Variants in MKRN2OS observed in about 807,000 individuals in gnomAD.
MKRN2OS encodes the protein MKRN2 opposite strand protein.
MKRN2OS carries 17 observed loss-of-function variants against 18.2 expected under a neutral mutation model. The ratio of observed to expected loss-of-function variants is 0.93; its 90% confidence interval spans 0.64 to 1.40. The LOEUF is 1.40. Ranked by LOEUF, MKRN2OS falls within the 40% of genes most tolerant of loss-of-function variation. The pLI is 0.00. For synonymous variants in MKRN2OS, 121 were observed against 108.5 expected, an observed-to-expected ratio of 1.12 and a Z score of -0.72; for missense variants, 337 against 283.0, an observed-to-expected ratio of 1.19 and a Z score of -1.37.
intron 1 of MKRN2OS, chr3:12,557,292 C>A: frequency 7.5e-7 from 1 of 1,325,346 alleles, no homozygotes; most frequent in Non-Finnish European, 1.0e-6. Flanking sequence ...GAAAGTTACT[C>A]GGCTGTTCGC....
chr3:12,553,166 T>C (rs2057942117), downstream of MKRN2OS, among the ~76,000 whole-genome samples: 2 of 151,994 alleles, frequency 1.3e-5, no homozygotes, highest in Non-Finnish European at 2.9e-5. Context: ...ACTTCCAAAC[T>C]CATTTTATGA....
downstream of MKRN2OS, among the ~76,000 whole-genome samples, chr3:12,550,833 T>G (rs894016190): frequency 8.8e-5 from 3 of 33,994 alleles, no homozygotes; most frequent in Admixed American, 9.2e-4. Context: ...TTGGGTTATA[T>G]GTGTTGGGTA....
upstream of MKRN2OS, among the ~76,000 whole-genome samples, chr3:12,548,867 A>C (rs1559382810): frequency 6.6e-6 from 1 of 152,174 alleles, no homozygotes; most frequent in Non-Finnish European, 1.5e-5. Flanking sequence ...TCTTGTTATA[A>C]AATAAAACAT....
chr3:12,552,859 C>CA (rs2057939534), downstream of MKRN2OS, among the ~76,000 whole-genome samples: 3 of 151,652 alleles, frequency 2.0e-5, no homozygotes, highest in Admixed American at 2.0e-4. Context: ...CTCCTGTCTA[C>CA]AAAAAATACA....
chr3:12,554,466 TAAATATATATGAAATATATG>T (rs1363369596), intron 1 of MKRN2OS, among the ~76,000 whole-genome samples: 2 of 146,994 alleles, frequency 1.4e-5, no homozygotes, highest in African/African-American at 2.5e-5. Context: ...TATTTTTTCA[TAAATATATATGAAATATATG>T]AAATATATAT....
chr3:12,558,469 C>T (rs1239378713), intron 1 of MKRN2OS, among the ~76,000 whole-genome samples: 3 of 152,194 alleles, frequency 2.0e-5, no homozygotes, highest in Non-Finnish European at 2.9e-5. Flanking sequence ...TTCCTCCCCT[C>T]GCTCTATGGT....
chr3:12,540,596 G>A (rs1183084442), intron 3 of MKRN2OS, among the ~76,000 whole-genome samples, 163 bp from the exon 4 acceptor site: 3 of 152,076 alleles, frequency 2.0e-5, no homozygotes, highest in Non-Finnish European at 4.4e-5. Flanking sequence ...ACTTCAGGCC[G>A]GGTGCGGTGG....
Position 12,559,226 on chromosome 3 carries a change from A to G in MKRN2OS, n.264+1531T>C, listed in dbSNP as rs575599654. The stretch of plus-strand genomic sequence containing the variant: ...AGGTGTTTTAAGTGGGAAAAAACCA[A>G]TATGACCAAGAGTACCAAGTTTACA... On this transcript the variant is annotated intron_variant and non_coding_transcript_variant, in intron 1 of 1. Transcript: ENST00000447550. 1.6e-3 allele frequency among the ~76,000 whole-genome samples: 249 copies of G among 152,336 alleles called. 1 individual carries two copies. The highest frequency in any genetic ancestry group is 2.8e-3 in the Non-Finnish European group (190 of 68,032).
At position 12,555,997 on chromosome 3, in the gene MKRN2OS, G is replaced by T. The variant is rs184702836; in HGVS notation, n.265-1863C>A. On this transcript the variant is annotated intron_variant and non_coding_transcript_variant, in intron 1 of 1. Transcript: ENST00000447550. The stretch of plus-strand genomic sequence containing the variant: ...ACAAAAAATTCTTTATTTTGATCTG[G>T]GTGGTAGTTTCATGAGTGTATGCAT... Among the ~76,000 whole-genome samples the T allele has an allele frequency of 2.7e-3, 406 of 151,388 alleles. 1 individual carries two copies. The highest frequency in any genetic ancestry group is 5.0e-3 in the Non-Finnish European group (339 of 67,860).
At chr3:12,543,452 T>G (rs2057843343) in intron 1 of MKRN2OS, among the ~76,000 whole-genome samples, 1 of 151,614 alleles carries the variant, frequency 6.6e-6, no homozygotes, top group South Asian at 2.1e-4. Context: ...CCAGGTGTGT[T>G]AGTGTGCATC....
At chr3:12,540,741 G>A (rs755430342) in intron 3 of MKRN2OS, among the ~76,000 whole-genome samples, 6 of 152,036 alleles carry the variant, frequency 3.9e-5, no homozygotes, top group South Asian at 4.1e-4. Flanking sequence ...GCATGGTGGT[G>A]CACGCCTGTT....
At position 12,545,309 on chromosome 3, in the gene MKRN2OS, A is replaced by G; in HGVS notation, c.156T>C (p.Phe52=). ...AACATTTTTCTTGATGTCCATTAGT[A>G]AATGGATTAGCGATGCTAACAGGTG... ...EDAPVSIANP[F]TNGHQEKCSF... The change falls in exon 1 of 4, where the codon TTT becomes TTC. Residue 52 remains phenylalanine, a synonymous_variant. Transcript: ENST00000564146. 1 of 1,536,106 alleles carries G rather than the reference A, an allele frequency of 6.5e-7. No individual in the cohort carries two copies. Among genetic ancestry groups the G allele is most frequent in the South Asian group, 1.2e-5 (1 of 84,058 alleles).
At chr3:12,548,763 T>G (rs1034603127), upstream of MKRN2OS, among the ~76,000 whole-genome samples, 1 of 152,214 alleles carries the variant, frequency 6.6e-6, no homozygotes, top group Non-Finnish European at 1.5e-5. Context: ...GAAAAGGGAT[T>G]GAGGCACCAT....
Position 12,541,849 on chromosome 3 carries a change from C to T in MKRN2OS, c.431+11G>A, listed in dbSNP as rs1443301755. 2 of 1,532,934 alleles carry T rather than the reference C, an allele frequency of 1.3e-6. No individual in the cohort carries two copies. The highest frequency in any genetic ancestry group is 1.2e-5 in the South Asian group (1 of 83,696). The allele number at this position is 1,532,934 out of a possible 1,614,324, so 95.0% of individuals were successfully genotyped here. ...AGTGTCAGCGAGGGGGCAGCATTTG[C>T]AGTCGTGTACCTGTGAGGCAGCCAG... is the stretch of plus-strand genomic sequence containing the variant. On this transcript the variant is annotated intron_variant, in intron 3 of 3. Coordinates refer to ENST00000564146, the MANE Select transcript of MKRN2OS (RefSeq NM_001195279.2).
At chr3:12,554,048 C>A (rs148362284) in exon 2 of MKRN2OS, 8 of 152,270 alleles carry the variant, frequency 5.3e-5, no homozygotes, top group African/African-American at 1.9e-4. Flanking sequence ...CTGGCAGCCA[C>A]CCTTCTCTTC....
upstream of MKRN2OS, among the ~76,000 whole-genome samples, chr3:12,547,682 C>T (rs1410417982): frequency 1.3e-5 from 2 of 152,160 alleles, no homozygotes; most frequent in African/African-American, 4.8e-5. Flanking sequence ...TTTGGTTGTA[C>T]TACACTTTAA....
chr3:12,560,370 G>A (rs1435193423), intron 1 of MKRN2OS, among the ~76,000 whole-genome samples: 1 of 151,272 alleles, frequency 6.6e-6, no homozygotes, highest in Admixed American at 6.6e-5. Flanking sequence ...TACATTTATT[G>A]CAAGCCTGCC....
downstream of MKRN2OS, among the ~76,000 whole-genome samples, chr3:12,552,560 C>T (rs2057937404): frequency 6.6e-6 from 1 of 151,224 alleles, no homozygotes; most frequent in South Asian, 2.1e-4. Context: ...TACAGGCATG[C>T]ACCACCACAC....
chr3:12,544,606 C>T (rs775870159), intron 1 of MKRN2OS, among the ~76,000 whole-genome samples: 5 of 151,500 alleles, frequency 3.3e-5, no homozygotes, highest in Non-Finnish European at 4.4e-5. Context: ...CGCTTGAACC[C>T]GGGAGGTGGA....
Sources: gnomAD v4.1 joint callset for allele counts (sites outside exome capture counted in the v4.1 genomes callset) on GRCh38, gnomAD v4.1.1 for gene constraint, MANE v1.5 for transcripts, NCBI Gene and HGNC (gene_info 2026-07-23, HGNC 2026-07-21) for gene names.